Variants in SYNE2 observed in about 807,000 individuals in gnomAD.
SYNE2 encodes spectrin repeat containing nuclear envelope protein 2.
SYNE2 carries 431 observed loss-of-function variants against 856.3 expected under a neutral mutation model. The observed-to-expected ratio is 0.50, with a 90% CI of 0.47 to 0.55. SYNE2 has a LOEUF of 0.55. Among genes scored for constraint, SYNE2 ranks in the 20% least tolerant of loss-of-function variants. SYNE2 has a pLI of 0.00. For missense variants in SYNE2, 8,129 were observed against 8,023.2 expected (o/e 1.01, Z -0.50); for synonymous variants, 2,923 against 2,872.3 (o/e 1.02, Z -0.56).
At position 64,223,174 on chromosome 14, in the gene SYNE2, T is replaced by C. The variant is rs199791375; in HGVS notation, c.20191-15T>C. 1 of 1,613,042 alleles carries C rather than the reference T, an allele frequency of 6.2e-7. No homozygotes were observed. The highest frequency in any genetic ancestry group is 8.5e-7 in the Non-Finnish European group (1 of 1,179,540). ...TTGGACAGGTCACTGTTTCACACAC[T>C]TTATCTGTTTTCAGCAACTGGAAAA... On this transcript the variant is annotated splice_polypyrimidine_tract_variant and intron_variant, in intron 112 of 115. Transcript: ENST00000555002.
In SYNE2 at chr14:64,212,244, A is replaced by C. The variant is rs947463668; in HGVS notation, c.18861+146A>C. 4.5e-6 allele frequency: 6 copies of C among 1,329,096 alleles called. No homozygotes were observed. The African/African-American group carries it at 7.2e-5, about 16-fold the overall frequency. 82.3% of individuals were successfully genotyped at this position (1,329,096 alleles called of 1,614,324 possible). On this transcript the variant is annotated intron_variant, in intron 104 of 115. Coordinates refer to ENST00000555002, the MANE Select transcript of SYNE2 (RefSeq NM_182914.3). ...GGCTACATCCCACCTGTGTACTACC[A>C]GATTATCACGTGCAAGGATACTGTT...
chr14:63,789,087 T>C (rs1887641066), intron 1 of SYNE2, among the ~76,000 whole-genome samples: 1 of 152,210 alleles, frequency 6.6e-6, no homozygotes, highest in African/African-American at 2.4e-5. Flanking sequence ...TAGAGAACAT[T>C]ATGTTAATTT....
intron 37 of SYNE2, 82 bp from the exon 38 acceptor site, chr14:64,022,669 A>G: frequency 1.3e-6 from 1 of 796,478 alleles, no homozygotes; most frequent in Non-Finnish European, 2.2e-6. Context: ...ATGGCATGGG[A>G]AACAAGTTTC....
intron 95 of SYNE2, among the ~76,000 whole-genome samples, 179 bp downstream of exon 95, chr14:64,175,317 A>G (rs1567549777): frequency 6.6e-6 from 1 of 152,230 alleles, no homozygotes; most frequent in Non-Finnish European, 1.5e-5. Flanking sequence ...GCATTGCAAG[A>G]GCTCAATGTT....
chr14:64,063,289 C>T (rs1447001252), intron 50 of SYNE2, among the ~76,000 whole-genome samples: 2 of 152,184 alleles, frequency 1.3e-5, no homozygotes, highest in Admixed American at 1.3e-4. Context: ...TTCAAGCCAT[C>T]CTCCAGCCTC....
chr14:64,096,204 T>G (rs1014238496), intron 61 of SYNE2, among the ~76,000 whole-genome samples: 2 of 152,220 alleles, frequency 1.3e-5, no homozygotes, highest in Non-Finnish European at 2.9e-5. Flanking sequence ...GACACATATT[T>G]TTATCAAGGA....
intron 1 of SYNE2, among the ~76,000 whole-genome samples, chr14:63,870,084 C>G (rs914574621): frequency 5.3e-5 from 8 of 152,236 alleles, no homozygotes; most frequent in Admixed American, 3.3e-4. Context: ...GCTTTGGTTC[C>G]CCATTGGCCA....
chr14:64,127,958 A>T (rs1180245964), intron 73 of SYNE2, among the ~76,000 whole-genome samples: 2 of 152,228 alleles, frequency 1.3e-5, no homozygotes, highest in Non-Finnish European at 2.9e-5. Flanking sequence ...TCTGCAGGTT[A>T]AGAGAGATCT....
At chr14:63,949,633 T>C (rs1480222136) in intron 6 of SYNE2, among the ~76,000 whole-genome samples, 192 bp from the exon 7 acceptor site, 2 of 152,194 alleles carry the variant, frequency 1.3e-5, no homozygotes, top group Admixed American at 6.5e-5. Context: ...ACCCAAGTCA[T>C]TCCTTAGGAA....
At chr14:63,890,053 C>CTTT (rs71123813) in intron 1 of SYNE2, among the ~76,000 whole-genome samples, 15 of 94,936 alleles carry the variant, frequency 1.6e-4, no homozygotes, top group East Asian at 3.1e-4. Flanking sequence ...TTCTTTCTTT[C>CTTT]TTTTTTTTTT....
intron 47 of SYNE2, among the ~76,000 whole-genome samples, chr14:64,051,183 A>G (rs143516730): frequency 1.2e-4 from 18 of 152,288 alleles, no homozygotes; most frequent in Non-Finnish European, 2.4e-4. Flanking sequence ...ATATTATGGC[A>G]ATATCTCTCA....
At chr14:64,143,639 A>T in intron 82 of SYNE2, 133 bp from the exon 83 acceptor site, 1 of 896,352 alleles carries the variant, frequency 1.1e-6, no homozygotes, top group Non-Finnish European at 1.8e-6. Flanking sequence ...TGGGGAGGGT[A>T]GAACAGAACT....
rs2096525376 is a variant in SYNE2 at position 63,974,882 on chromosome 14, GTGTGTGTGTGTATATATATATATATA to G, written c.1129-1679_1129-1654del. Among the ~76,000 whole-genome samples the G allele has an allele frequency of 2.9e-4, 8 of 27,132 alleles. No homozygotes were observed. The South Asian group carries it at 0.012, about 39-fold the overall frequency. The allele number at this position is 27,132 out of a possible 152,430, so 17.8% of individuals were successfully genotyped here. A position where few individuals can be genotyped will look rare whatever the true frequency, so the allele number is the denominator to read the frequency against. On this transcript the variant is annotated intron_variant, in intron 11 of 115. Coordinates refer to ENST00000555002, the MANE Select transcript of SYNE2 (RefSeq NM_182914.3). Reference sequence around the variant, plus strand: ...TGTGTGTGTGTGTGTGTGTGTGTGTGTGTGTGTGTGTATATATATATATATATATATATATGTATCTTGAGACAGGG... The same window carrying G: ...TGTGTGTGTGTGTGTGTGTGTGTGTGTATATATATGTATCTTGAGACAGGG...
intron 1 of SYNE2, among the ~76,000 whole-genome samples, chr14:63,819,446 G>T (rs1205589021): frequency 1.3e-5 from 2 of 151,532 alleles, no homozygotes; most frequent in Non-Finnish European, 2.9e-5. Flanking sequence ...TGGCTGGGCT[G>T]GTCTCGAACT....
At position 64,130,266 on chromosome 14, in the gene SYNE2, G is replaced by T; in HGVS notation, c.14340+18G>T. On this transcript the variant is annotated intron_variant, in intron 76 of 115. Coordinates refer to ENST00000555002, the MANE Select transcript of SYNE2 (RefSeq NM_182914.3). ...ATCACAAGGTGAGACAGACACATGG[G>T]TCGGGTGACCCCTTCATAGACTAAA... 2 of 1,602,212 alleles carry T rather than the reference G, an allele frequency of 1.2e-6. No homozygotes were observed. The highest frequency in any genetic ancestry group is 8.5e-7 in the Non-Finnish European group (1 of 1,172,448).
chr14:63,925,191 T>A (rs2095648875), intron 2 of SYNE2, among the ~76,000 whole-genome samples: 1 of 151,928 alleles, frequency 6.6e-6, no homozygotes, highest in South Asian at 2.1e-4. Flanking sequence ...GTGTGGTGGC[T>A]CATGCCTGTA....
intron 7 of SYNE2, among the ~76,000 whole-genome samples, chr14:63,951,230 A>G (rs1262988508): frequency 6.6e-6 from 1 of 152,194 alleles, no homozygotes; most frequent in Non-Finnish European, 1.5e-5. Context: ...GCCCTTTCAA[A>G]TGCAGGACTT....
At position 64,225,706 on chromosome 14, in the gene SYNE2, T is replaced by TCC. The variant is rs988956511; in HGVS notation, c.*183_*184dup. ...CAGGGCAGCTTTCAGATTGTGTTCC[T>TCC]CCCCAGGAGCAGGGAACCTGTGTGG... On this transcript the variant is annotated 3_prime_UTR_variant, in exon 116 of 116. Transcript: ENST00000555002. The TCC allele has an allele frequency of 8.5e-6, 6 of 702,392 alleles. No individual in the cohort carries two copies. Among genetic ancestry groups the TCC allele is most frequent in the Non-Finnish European group, 1.5e-5 (6 of 400,850 alleles). The allele number at this position is 702,392 out of a possible 1,614,324, so 43.5% of individuals were successfully genotyped here. A position where few individuals can be genotyped will look rare whatever the true frequency, so the allele number is the denominator to read the frequency against.
chr14:64,165,316 T>G lies in SYNE2; in HGVS notation c.16511T>G (p.Val5504Gly). ...FVLSQFKDFG[V>G]RLESLKGLIM... ...CTCTCACAGTTTAAGGATTTTGGAGTCCGGCTGGAATCTTTAAAAGGTCTT... is the reference window on the plus strand; with the variant it reads ...CTCTCACAGTTTAAGGATTTTGGAGGCCGGCTGGAATCTTTAAAAGGTCTT... The change falls in exon 90 of 116, where the codon GTC (valine) becomes GGC (glycine). Residue 5504 changes from valine to glycine, a missense_variant. By Grantham distance (109) the Val-to-Gly change is moderately radical. Transcript: ENST00000555002. 6.2e-7 allele frequency: 1 copy of G among 1,613,942 alleles called. No individual in the cohort carries two copies. Among genetic ancestry groups the G allele is most frequent in the Non-Finnish European group, 8.5e-7 (1 of 1,179,896 alleles).
Sources: allele counts gnomAD v4.1 joint callset (sites outside exome capture counted in the v4.1 genomes callset), GRCh38; gene constraint gnomAD v4.1.1; transcripts MANE v1.5; gene names NCBI Gene and HGNC (gene_info 2026-07-23, HGNC 2026-07-21).